The following THSD4 variants were observed in gnomAD, a reference collection of about 807,000 sequenced individuals.
THSD4 encodes the protein thrombospondin type 1 domain containing 4.
Under a neutral mutation model 119.0 loss-of-function variants are expected in THSD4, and 69 were observed. The observed-to-expected ratio is 0.58, with a 90% CI of 0.48 to 0.71. The LOEUF is 0.71. THSD4 is among the 30% of genes least tolerant of loss of function. The pLI is 0.00. For missense variants in THSD4, 1,393 were observed against 1,391.1 expected, an observed-to-expected ratio of 1.00 and a Z score of -0.02; for synonymous variants, 524 against 540.4, an observed-to-expected ratio of 0.97 and a Z score of 0.42.
At chr15:71,494,993 C>T (rs1246861642) in intron 7 of THSD4, among the ~76,000 whole-genome samples, 1 of 152,156 alleles carries the variant, frequency 6.6e-6, no homozygotes, top group Non-Finnish European at 1.5e-5. Flanking sequence ...CCACGCACCT[C>T]CCAAAGTATT....
intron 7 of THSD4, among the ~76,000 whole-genome samples, chr15:71,614,561 G>T (rs527503092): frequency 6.6e-6 from 1 of 152,160 alleles, no homozygotes; most frequent in Non-Finnish European, 1.5e-5. Flanking sequence ...CCTACCTTGT[G>T]GTGTGTCACC....
intron 7 of THSD4, among the ~76,000 whole-genome samples, chr15:71,530,215 A>C (rs1034306943): frequency 1.3e-5 from 2 of 152,216 alleles, no homozygotes; most frequent in Admixed American, 1.3e-4. Flanking sequence ...CCAGCCAAGA[A>C]GACTACCAGC....
chr15:71,674,221 A>G (rs537051666), intron 8 of THSD4, among the ~76,000 whole-genome samples: 1 of 152,148 alleles, frequency 6.6e-6, no homozygotes, highest in South Asian at 2.1e-4. Context: ...TCTTGCTCTT[A>G]TGTGGTCTCC....
intron 8 of THSD4, among the ~76,000 whole-genome samples, chr15:71,727,939 CAG>C (rs1252938722): frequency 6.6e-6 from 1 of 152,072 alleles, no homozygotes; most frequent in East Asian, 1.9e-4. Flanking sequence ...TGGGGCAAAT[CAG>C]AGCATATAGG....
At chr15:71,230,518 C>G (rs4777345) in intron 4 of THSD4, among the ~76,000 whole-genome samples, 55,267 of 152,104 alleles carry the variant, frequency 0.36, 10,349 homozygotes, top group South Asian at 0.5. Context: ...GGCGCTTTCC[C>G]TGAATCATTG....
intron 7 of THSD4, among the ~76,000 whole-genome samples, chr15:71,469,859 A>C (rs1368021221): frequency 1.3e-5 from 2 of 152,246 alleles, no homozygotes; most frequent in African/African-American, 4.8e-5. Context: ...GCTAAATGAT[A>C]TACAAAGACC....
intron 7 of THSD4, chr15:71,547,166 G>A (rs1371430610): frequency 2.8e-5 from 36 of 1,302,180 alleles, no homozygotes; most frequent in African/African-American, 4.6e-5. Flanking sequence ...CCAGCTCCCA[G>A]CTGGCTCCTG....
At position 71,354,762 on chromosome 15, in the gene THSD4, A is replaced by G. The variant is rs186052130; in HGVS notation, c.1016-56925A>G. Reference sequence around the variant, plus strand: ...CTTCAGGTTAAAGCGTGAAGACTAGATTATCCTAAATTTCCTAATCCAGAA... The same window carrying G: ...CTTCAGGTTAAAGCGTGAAGACTAGGTTATCCTAAATTTCCTAATCCAGAA... On this transcript the variant is annotated intron_variant, in intron 6 of 17. Transcript: ENST00000261862. Among the ~76,000 whole-genome samples, 878 of 152,336 alleles carry G rather than the reference A, an allele frequency of 5.8e-3. 7 individuals carry two copies. Among genetic ancestry groups the G allele is most frequent in the Admixed American group, 8.6e-3 (131 of 15,302 alleles).
rs937410928 is a variant in THSD4 at position 71,686,092 on chromosome 15, A to G, written c.1357+25358A>G. 3.3e-5 allele frequency among the ~76,000 whole-genome samples: 5 copies of G among 152,224 alleles called. No homozygotes were observed. In the South Asian group the frequency reaches 8.3e-4, roughly 25 times the overall value. ...AACTTTATGGTAAAATATATATAAC[A>G]TAAAATTTACCATTTTAACCATTTT... On this transcript the variant is annotated intron_variant, in intron 8 of 17. Transcript: ENST00000261862.
At chr15:71,471,761 G>A (rs1023552485) in intron 7 of THSD4, among the ~76,000 whole-genome samples, 8 of 151,682 alleles carry the variant, frequency 5.3e-5, no homozygotes, top group African/African-American at 1.5e-4. Context: ...CTGGGTGGCC[G>A]GGAGGATTCA....
In THSD4 at chr15:71,242,987, A is replaced by G. The variant is rs369887663; in HGVS notation, c.803A>G (p.Asn268Ser). 5.6e-6 allele frequency: 9 copies of G among 1,613,946 alleles called. No individual in the cohort carries two copies. The highest frequency in any genetic ancestry group is 2.7e-5 in the African/African-American group (2 of 74,868). ...TTTCACAGCCCAGAAACAAGCAACA[A>G]CCACGGTGTGGGGACCCATGGGGCA... is the stretch of plus-strand genomic sequence containing the variant. ...SLFHSPETSNNHGVGTHGATQ... is the reference protein window; with the variant it reads ...SLFHSPETSNSHGVGTHGATQ... The change falls in exon 5 of 18, where the codon AAC becomes AGC. Residue 268 changes from asparagine to serine, a missense_variant. Coordinates refer to ENST00000261862, the MANE Select transcript of THSD4 (RefSeq NM_024817.3).
chr15:71,104,990 T>G (rs1450446290), intron 1 of THSD4, among the ~76,000 whole-genome samples: 1 of 152,076 alleles, frequency 6.6e-6, no homozygotes, highest in African/African-American at 2.4e-5. Context: ...AGTCTTATGG[T>G]CTGTATTTTA....
intron 6 of THSD4, among the ~76,000 whole-genome samples, chr15:71,336,457 G>A (rs535033348): frequency 7.0e-4 from 106 of 152,246 alleles, no homozygotes; most frequent in African/African-American, 2.4e-3. Context: ...ACTGTTAAGG[G>A]AAAAAAGTAA....
intron 7 of THSD4, among the ~76,000 whole-genome samples, chr15:71,629,993 C>A (rs560805028): frequency 6.6e-6 from 1 of 152,268 alleles, no homozygotes; most frequent in South Asian, 2.1e-4. Context: ...CTCTCTTGGC[C>A]GGCTTTGCTC....
At chr15:71,567,832 A>G (rs1420020359) in intron 7 of THSD4, among the ~76,000 whole-genome samples, 2 of 152,000 alleles carry the variant, frequency 1.3e-5, no homozygotes, top group Non-Finnish European at 2.9e-5. Context: ...TGTCTTCCCC[A>G]TGAATCCCAT....
At chr15:71,193,657 C>G (rs944610197) in intron 3 of THSD4, among the ~76,000 whole-genome samples, 1 of 152,102 alleles carries the variant, frequency 6.6e-6, no homozygotes, top group Non-Finnish European at 1.5e-5. Context: ...GGGGGTGGTT[C>G]CCCCATACTG....
In THSD4 at chr15:71,559,758, G is replaced by C. The variant is rs575442527; in HGVS notation, c.1153-100772G>C. On this transcript the variant is annotated intron_variant, in intron 7 of 17. Transcript: ENST00000261862. Reference sequence around the variant, plus strand: ...ATTCAAATGCAAAGGATGGCCTTTAGTTCCTTACTTTAACTCACTCTCCTT... The same window carrying C: ...ATTCAAATGCAAAGGATGGCCTTTACTTCCTTACTTTAACTCACTCTCCTT... Among the ~76,000 whole-genome samples the C allele has an allele frequency of 1.8e-4, 28 of 152,268 alleles. No individual in the cohort carries two copies. In the South Asian group the frequency reaches 5.6e-3, roughly 30 times the overall value.
rs906844893 is a variant in THSD4 at position 71,502,180 on chromosome 15, T to C, written c.1152+90357T>C. On this transcript the variant is annotated intron_variant, in intron 7 of 17. Coordinates refer to ENST00000261862, the MANE Select transcript of THSD4 (RefSeq NM_024817.3). ...AATAGCATGGTGGTTAGAGTTGATA[T>C]AGTTACTGAAAGGAATGGAGTGTAA... is the stretch of plus-strand genomic sequence containing the variant. Among the ~76,000 whole-genome samples the C allele has an allele frequency of 5.3e-5, 8 of 152,242 alleles. No individual in the cohort carries two copies. The East Asian group carries it at 7.7e-4, about 15-fold the overall frequency.
At chr15:71,724,599 C>A (rs2052799881) in intron 8 of THSD4, among the ~76,000 whole-genome samples, 1 of 151,758 alleles carries the variant, frequency 6.6e-6, no homozygotes, top group Admixed American at 6.6e-5. Flanking sequence ...TTGCCTAGAG[C>A]AATAGAAAGC....
Sources: allele counts gnomAD v4.1 joint callset (sites outside exome capture counted in the v4.1 genomes callset), GRCh38; gene constraint gnomAD v4.1.1; transcripts MANE v1.5; gene names NCBI Gene and HGNC (gene_info 2026-07-23, HGNC 2026-07-21).